The following CNST variants were observed in gnomAD, a reference collection of about 807,000 sequenced individuals.
The protein encoded by CNST is consortin, connexin sorting protein.
In CNST, 39 loss-of-function variants were observed where a neutral mutation model predicts 72.4. The observed-to-expected ratio is 0.54, with a 90% CI of 0.42 to 0.70. The LOEUF (loss-of-function observed/expected upper bound fraction) is 0.70, where lower values mean the gene tolerates loss of function less well. Among genes scored for constraint, CNST ranks in the 30% least tolerant of loss-of-function variants. The probability of loss-of-function intolerance (pLI) is 0.00; values close to 1 mark genes in which losing one functional copy is unlikely to be tolerated. For missense variants in CNST, 871 were observed against 868.5 expected (o/e 1.00, Z -0.04); for synonymous variants, 332 against 320.1 (o/e 1.04, Z -0.40).
chr1:246,626,058 A>G (rs958492806), intron 3 of CNST, among the ~76,000 whole-genome samples: 4 of 145,776 alleles, frequency 2.7e-5, no homozygotes, highest in African/African-American at 5.2e-5. Flanking sequence ...CTGAGTTCCC[A>G]TATTTTCCTT....
At chr1:246,657,796 A>T (rs1223002921) in intron 9 of CNST, among the ~76,000 whole-genome samples, 1 of 152,138 alleles carries the variant, frequency 6.6e-6, no homozygotes, top group African/African-American at 2.4e-5. Flanking sequence ...GCCTTTCCAG[A>T]TGATTTCAGG....
intron 6 of CNST, among the ~76,000 whole-genome samples, chr1:246,636,791 C>T (rs563831359): frequency 2.0e-5 from 3 of 152,276 alleles, no homozygotes; most frequent in South Asian, 2.1e-4. Context: ...CATTCCTCGA[C>T]TAAGGTTCCA....
intron 1 of CNST, among the ~76,000 whole-genome samples, chr1:246,571,603 A>T (rs907642487): frequency 1.3e-5 from 2 of 152,242 alleles, no homozygotes; most frequent in African/African-American, 2.4e-5. Flanking sequence ...TGTGCCTATG[A>T]AAATACTGAC....
At chr1:246,605,884 T>G (rs1024541674) in intron 2 of CNST, 1 of 151,202 alleles carries the variant, frequency 6.6e-6, no homozygotes, top group East Asian at 2.0e-4. Flanking sequence ...TGCTTCTGCT[T>G]CTCGCTGACG....
intron 2 of CNST, among the ~76,000 whole-genome samples, chr1:246,602,480 C>T (rs923386317): frequency 1.3e-5 from 2 of 152,198 alleles, no homozygotes; most frequent in African/African-American, 4.8e-5. Flanking sequence ...CCACATGGCC[C>T]ACTCCACAGG....
intron 9 of CNST, among the ~76,000 whole-genome samples, chr1:246,656,208 A>G (rs1338605477): frequency 6.7e-6 from 1 of 150,060 alleles, no homozygotes; most frequent in East Asian, 1.9e-4. Context: ...TTTCTTCTTT[A>G]ATTTTGTGAG....
chr1:246,610,877 C>T (rs988458166), intron 2 of CNST, among the ~76,000 whole-genome samples: 1 of 152,170 alleles, frequency 6.6e-6, no homozygotes, highest in Non-Finnish European at 1.5e-5. Flanking sequence ...AGGAAGCGAT[C>T]TTCCTGGCTT....
chr1:246,629,628 A>G (rs568328495), intron 3 of CNST, among the ~76,000 whole-genome samples: 4 of 152,362 alleles, frequency 2.6e-5, no homozygotes, highest in Non-Finnish European at 5.9e-5. Context: ...AGAGCCAGAC[A>G]TTTTATTTTA....
Position 246,647,578 on chromosome 1 carries a change from A to G in CNST, c.1377A>G (p.Glu459=), listed in dbSNP as rs746567635. 3 of 1,613,950 alleles carry G rather than the reference A, an allele frequency of 1.9e-6. No individual in the cohort carries two copies. Among genetic ancestry groups the G allele is most frequent in the Non-Finnish European group, 1.7e-6 (2 of 1,180,020 alleles). The change falls in exon 9 of 11, where the codon GAA becomes GAG. Residue 459 remains glutamate (E), a synonymous_variant. Coordinates refer to ENST00000366513, the MANE Select transcript of CNST (RefSeq NM_152609.3). ...AATATTCACAGGCTCAGAGGAAAGAACTCCGTTTGCCACTTCGGGATGCTT... is the reference window on the plus strand; with the variant it reads ...AATATTCACAGGCTCAGAGGAAAGAGCTCCGTTTGCCACTTCGGGATGCTT... ...EGKYSQAQRK[E]LRLPLRDASE...
intron 3 of CNST, among the ~76,000 whole-genome samples, chr1:246,631,459 G>C (rs1558572644): frequency 6.6e-6 from 1 of 152,142 alleles, no homozygotes; most frequent in Non-Finnish European, 1.5e-5. Flanking sequence ...ACATATTTCT[G>C]CTTTTTCTTT....
rs530588381 is a variant in CNST, at chr1:246,598,386, CT to C, written c.379+6453del. 4.6e-5 allele frequency among the ~76,000 whole-genome samples: 7 copies of C among 152,016 alleles called. 1 individual carries two copies. Among genetic ancestry groups the C allele is most frequent in the Admixed American group, 2.6e-4 (4 of 15,252 alleles). ...GTCCATTTTACTTCTTTTGTCAGTA[CT>C]TTTTTTTATTTCCTAGGAACTTTTT... On this transcript the variant is annotated intron_variant, in intron 2 of 10. Coordinates refer to ENST00000366513, the MANE Select transcript of CNST (RefSeq NM_152609.3).
rs546437008 is a variant in CNST, at chr1:246,624,040, G to A, written c.585+2406G>A. On this transcript the variant is annotated intron_variant, in intron 3 of 10. Transcript: ENST00000366513. ...ATTCCATCACTGCACTCCAGCCTGG[G>A]TAACAGAGGAAGACCCCATCTAAAA... Among the ~76,000 whole-genome samples, 932 of 152,346 alleles carry A rather than the reference G, an allele frequency of 6.1e-3. 1 individual carries two copies. Among genetic ancestry groups the A allele is most frequent in the Non-Finnish European group, 7.8e-3 (531 of 68,034 alleles).
At chr1:246,570,872 A>T (rs1660027088) in intron 1 of CNST, among the ~76,000 whole-genome samples, 1 of 152,200 alleles carries the variant, frequency 6.6e-6, no homozygotes, top group African/African-American at 2.4e-5. Flanking sequence ...GATAAGGTTT[A>T]ACTGGGCTTT....
In CNST at chr1:246,621,527, A is replaced by G. The variant is rs1214123415; in HGVS notation, c.478A>G (p.Asn160Asp). The G allele has an allele frequency of 1.9e-6, 3 of 1,614,012 alleles. No homozygotes were observed. Among genetic ancestry groups the G allele is most frequent in the Admixed American group, 1.7e-5 (1 of 59,998 alleles). ...TGAAGAAGCTGCTGAAGTAAATGCT[A>G]ATGAGCAGCCAGAGGCGCCAAAGCT... Reference protein sequence around the residue: ...DDEEAAEVNANEQPEAPKLVL... With the variant: ...DDEEAAEVNADEQPEAPKLVL... Residue 160 changes from asparagine to aspartate, a missense_variant, in exon 3 of 11, where the codon AAT (asparagine) becomes GAT (aspartate). Asn to Asp is a conservative substitution (Grantham distance 23, BLOSUM62 1). Transcript: ENST00000366513.
At chr1:246,651,854 C>G (rs1251399705) in intron 9 of CNST, among the ~76,000 whole-genome samples, 1 of 152,082 alleles carries the variant, frequency 6.6e-6, no homozygotes, top group Non-Finnish European at 1.5e-5. Context: ...AAAAAATGAT[C>G]ACATGTGCAT....
intron 1 of CNST, among the ~76,000 whole-genome samples, chr1:246,588,366 A>G (rs1661327303): frequency 6.6e-6 from 1 of 152,196 alleles, no homozygotes; most frequent in African/African-American, 2.4e-5. Context: ...GGAAATAAGG[A>G]GGTAAAAATT....
Position 246,647,980 on chromosome 1 carries a change from T to G in CNST, c.1779T>G (p.Pro593=). The change falls in exon 9 of 11, where the codon CCT becomes CCG. Residue 593 remains proline (P), a synonymous_variant. Transcript: ENST00000366513. The stretch of plus-strand genomic sequence containing the variant: ...CCTATAGTCTCCAGGAGAATCTGCC[T>G]TCTGATGAGAGCTGTCTTTCTCTTG... The part of the protein sequence containing the change: ...EASYSLQENL[P]SDESCLSLDD... 6 of 1,613,776 alleles carry G rather than the reference T, an allele frequency of 3.7e-6. No individual in the cohort carries two copies. Among genetic ancestry groups the G allele is most frequent in the Non-Finnish European group, 5.1e-6 (6 of 1,180,028 alleles).
chr1:246,585,961 T>C (rs1029818173), intron 1 of CNST, among the ~76,000 whole-genome samples: 2 of 151,632 alleles, frequency 1.3e-5, no homozygotes, highest in African/African-American at 2.4e-5. Flanking sequence ...GCACCTGTAG[T>C]CCCAGCTATT....
intron 1 of CNST, among the ~76,000 whole-genome samples, chr1:246,570,681 A>C (rs191965687): frequency 6.6e-6 from 1 of 151,912 alleles, no homozygotes; most frequent in Non-Finnish European, 1.5e-5. Flanking sequence ...GATGTTCTAT[A>C]AGAAAATAAT....
Sources: gnomAD v4.1 joint callset for allele counts (sites outside exome capture counted in the v4.1 genomes callset) on GRCh38, gnomAD v4.1.1 for gene constraint, MANE v1.5 for transcripts, NCBI Gene and HGNC (gene_info 2026-07-23, HGNC 2026-07-21) for gene names.